RSF1: variants seen among roughly 807,000 people sequenced by gnomAD.
RSF1 encodes the protein remodeling and spacing factor 1.
A neutral mutation model predicts 145.2 loss-of-function variants in RSF1; 13 were observed. The observed-to-expected ratio is 0.09, with a 90% CI of 0.06 to 0.14. The LOEUF (loss-of-function observed/expected upper bound fraction) is 0.14, where lower values mean the gene tolerates loss of function less well. Among genes scored for constraint, RSF1 ranks in the 10% least tolerant of loss-of-function variants. The probability of loss-of-function intolerance (pLI) is 1.00; values close to 1 mark genes in which losing one functional copy is unlikely to be tolerated. For missense variants in RSF1, 1,517 were observed against 1,718.2 expected (o/e 0.88, Z 2.07); for synonymous variants, 577 against 592.6 (o/e 0.97, Z 0.38).
intron 5 of RSF1, among the ~76,000 whole-genome samples, chr11:77,707,871 A>C (rs1960589611): frequency 6.6e-6 from 1 of 152,246 alleles, no homozygotes; most frequent in African/African-American, 2.4e-5. Flanking sequence ...CTCATTTTTC[A>C]TGTAATCCTA....
chr11:77,824,623 A>G (rs1279577710), upstream of RSF1, among the ~76,000 whole-genome samples: 1 of 152,220 alleles, frequency 6.6e-6, no homozygotes, highest in Non-Finnish European at 1.5e-5. Flanking sequence ...CAGACACAAA[A>G]GAGTTAGGTA....
At chr11:77,792,528 A>C (rs1341594106) in intron 1 of RSF1, among the ~76,000 whole-genome samples, 1 of 152,128 alleles carries the variant, frequency 6.6e-6, no homozygotes, top group Non-Finnish European at 1.5e-5. Context: ...GGGACAGAAG[A>C]CTAGCCCAGC....
intron 2 of RSF1, among the ~76,000 whole-genome samples, chr11:77,758,114 C>G (rs1948133829): frequency 7.0e-6 from 1 of 142,598 alleles, no homozygotes; most frequent in South Asian, 2.3e-4. Context: ...CTAGACTGGG[C>G]GACAGAGGGA....
chr11:77,754,757 C>A (rs948776703), intron 2 of RSF1, among the ~76,000 whole-genome samples: 9 of 151,934 alleles, frequency 5.9e-5, no homozygotes, highest in African/African-American at 2.2e-4. Flanking sequence ...AAAAGAAAAC[C>A]CCCAAAAAAC....
chr11:77,808,096 G>A (rs1948695099), intron 1 of RSF1, among the ~76,000 whole-genome samples: 1 of 152,124 alleles, frequency 6.6e-6, no homozygotes, highest in Non-Finnish European at 1.5e-5. Context: ...CACTTTGGGA[G>A]GCCAAGGCAG....
At chr11:77,692,306 G>T (rs1411987131) in intron 8 of RSF1, among the ~76,000 whole-genome samples, 1 of 88,242 alleles carries the variant, frequency 1.1e-5, no homozygotes, top group African/African-American at 6.4e-5. Context: ...GTGCAGTGGC[G>T]GGATCTCGGC....
At chr11:77,697,796 T>A (rs1463680364) in intron 7 of RSF1, among the ~76,000 whole-genome samples, 1 of 151,942 alleles carries the variant, frequency 6.6e-6, no homozygotes, top group East Asian at 1.9e-4. Context: ...AATAATCACA[T>A]GGGGTAACTA....
intron 13 of RSF1, 117 bp downstream of exon 13, chr11:77,676,675 G>A (rs1166079236): frequency 4.1e-6 from 3 of 730,446 alleles, no homozygotes; most frequent in Non-Finnish European, 6.5e-6. Flanking sequence ...AATAAACAGA[G>A]GTTGTCTATG....
At chr11:77,744,063 C>T (rs1947971335) in intron 3 of RSF1, among the ~76,000 whole-genome samples, 1 of 152,146 alleles carries the variant, frequency 6.6e-6, no homozygotes, top group African/African-American at 2.4e-5. Flanking sequence ...GAGTCTTGCT[C>T]TGTCACCCAG....
intron 2 of RSF1, among the ~76,000 whole-genome samples, chr11:77,759,314 C>T (rs901831673): frequency 6.6e-6 from 1 of 151,948 alleles, no homozygotes; most frequent in East Asian, 1.9e-4. Context: ...AGTTTGAGAT[C>T]GGCCTGGGCA....
chr11:77,851,685 A>G, the RSF1 span, among the ~76,000 whole-genome samples: 1 of 151,796 alleles, frequency 6.6e-6, no homozygotes, highest in Non-Finnish European at 1.5e-5. Flanking sequence ...ACCTCCCCCA[A>G]CCTTGCTCCT....
At chr11:77,761,654 T>C (rs546971246) in intron 2 of RSF1, among the ~76,000 whole-genome samples, 163 of 152,198 alleles carry the variant, frequency 1.1e-3, no homozygotes, top group African/African-American at 3.8e-3. Context: ...TAATCAATCA[T>C]TAACAACCAC....
At chr11:77,679,622 G>A (rs180870616) in intron 11 of RSF1, among the ~76,000 whole-genome samples, 20 of 150,442 alleles carry the variant, frequency 1.3e-4, no homozygotes, top group Admixed American at 9.3e-4. Flanking sequence ...GAAGTAAGCC[G>A]AGAATGCACC....
intron 1 of RSF1, among the ~76,000 whole-genome samples, chr11:77,785,006 T>C (rs1948440547): frequency 1.3e-5 from 2 of 152,228 alleles, no homozygotes; most frequent in Admixed American, 1.3e-4. Context: ...CCTAAGCCTC[T>C]TGAAATCCAA....
At chr11:77,791,842 A>T (rs532591795) in intron 1 of RSF1, among the ~76,000 whole-genome samples, 33 of 152,272 alleles carry the variant, frequency 2.2e-4, no homozygotes, top group African/African-American at 7.7e-4. Flanking sequence ...CCATTCATCA[A>T]GTCTCTAGGA....
At chr11:77,787,784 A>C (rs1415869371) in intron 1 of RSF1, among the ~76,000 whole-genome samples, 3 of 151,886 alleles carry the variant, frequency 2.0e-5, no homozygotes, top group Admixed American at 2.0e-4. Flanking sequence ...TTCAGAGTTT[A>C]GTATCTACTA....
At chr11:77,719,049 C>A (rs1413550143) in intron 5 of RSF1, among the ~76,000 whole-genome samples, 1 of 151,912 alleles carries the variant, frequency 6.6e-6, no homozygotes, top group Non-Finnish European at 1.5e-5. Context: ...GAGTTTGAGA[C>A]CAGATGGGGC....
At chr11:77,773,132 T>C (rs1324260116) in intron 1 of RSF1, among the ~76,000 whole-genome samples, 2 of 152,232 alleles carry the variant, frequency 1.3e-5, no homozygotes, top group African/African-American at 4.8e-5. Flanking sequence ...CAATCCATTC[T>C]TCCTTTCTTA....
In RSF1 at chr11:77,676,962, A is replaced by G; in HGVS notation, c.3171T>C (p.Gly1057=). ...TAGTAGAGATGTCTTTCCCACGATG[A>G]CCTGTGATGGTGGAGATATCTTTTC... The part of the protein sequence containing the change: ...GRGKDISTIT[G]HRGKDISTIL... Residue 1057 remains glycine, a synonymous_variant, in exon 13 of 16, where the codon GGT becomes GGC. Coordinates refer to ENST00000308488, the MANE Select transcript of RSF1 (RefSeq NM_016578.4). The G allele has an allele frequency of 6.2e-7, 1 of 1,613,920 alleles. No homozygotes were observed. The highest frequency in any genetic ancestry group is 8.5e-7 in the Non-Finnish European group (1 of 1,179,942).
Sources: allele counts gnomAD v4.1 joint callset (sites outside exome capture counted in the v4.1 genomes callset), GRCh38; gene constraint gnomAD v4.1.1; transcripts MANE v1.5; gene names NCBI Gene and HGNC (gene_info 2026-07-23, HGNC 2026-07-21).